The following GPC6 variants were observed in gnomAD, a reference collection of about 807,000 sequenced individuals.
GPC6 encodes glypican-6.
In GPC6, 14 loss-of-function variants were observed where a neutral mutation model predicts 55.2. The observed-to-expected ratio is 0.25, with a 90% CI of 0.17 to 0.40. The LOEUF (loss-of-function observed/expected upper bound fraction) is 0.40, where lower values mean the gene tolerates loss of function less well. Among genes scored for constraint, GPC6 ranks in the 10% least tolerant of loss-of-function variants. The probability of loss-of-function intolerance (pLI) is 1.00; values close to 1 mark genes in which losing one functional copy is unlikely to be tolerated. For missense variants in GPC6, 641 were observed against 708.5 expected (o/e 0.90, Z 1.08); for synonymous variants, 278 against 259.6 (o/e 1.07, Z -0.68).
chr13:94,286,563 G>C (rs1267070718), intron 5 of GPC6, 84 bp downstream of exon 5: 1 of 1,215,818 alleles, frequency 8.2e-7, no homozygotes, highest in Non-Finnish European at 1.2e-6. Context: ...AGATATGTCG[G>C]CTGGGCTTAT....
chr13:93,831,983 T>C (rs1477897721), intron 3 of GPC6, among the ~76,000 whole-genome samples: 6 of 143,442 alleles, frequency 4.2e-5, no homozygotes, highest in Admixed American at 2.1e-4. Flanking sequence ...CCAGCTACTC[T>C]GGAGGCTGAG....
intron 2 of GPC6, among the ~76,000 whole-genome samples, chr13:93,580,665 A>G (rs182390369): frequency 5.8e-4 from 88 of 152,266 alleles, no homozygotes; most frequent in African/African-American, 1.9e-3. Flanking sequence ...CAAACAAAAC[A>G]TGGCCATTTT....
intron 1 of GPC6, among the ~76,000 whole-genome samples, chr13:93,537,099 C>T (rs12869656): frequency 6.6e-6 from 1 of 152,038 alleles, no homozygotes; most frequent in African/African-American, 2.4e-5. Context: ...CCTGAAGACA[C>T]CTCCATCACC....
intron 1 of GPC6, among the ~76,000 whole-genome samples, chr13:93,412,530 G>A (rs1159459770): frequency 6.6e-6 from 1 of 152,070 alleles, no homozygotes; most frequent in African/African-American, 2.4e-5. Context: ...GGTGGCACAT[G>A]CCTGTAGCCC....
chr13:93,453,265 T>C (rs938332443), intron 1 of GPC6, among the ~76,000 whole-genome samples: 2 of 152,168 alleles, frequency 1.3e-5, no homozygotes, highest in African/African-American at 4.8e-5. Context: ...CCCACTTTCA[T>C]TCAATATGCC....
At chr13:93,653,788 G>C (rs1880533332) in intron 2 of GPC6, among the ~76,000 whole-genome samples, 1 of 152,022 alleles carries the variant, frequency 6.6e-6, no homozygotes, top group South Asian at 2.1e-4. Flanking sequence ...GGAACCATCA[G>C]AGTATCAGAA....
chr13:94,286,547 G>A (rs1015710606), intron 5 of GPC6, 68 bp downstream of exon 5: 15 of 1,387,566 alleles, frequency 1.1e-5, no homozygotes, highest in Non-Finnish European at 1.5e-5. Flanking sequence ...TAAAAACGAA[G>A]TAACTAGATA....
intron 2 of GPC6, among the ~76,000 whole-genome samples, chr13:93,625,095 G>A (rs187867604): frequency 1.3e-5 from 2 of 152,190 alleles, no homozygotes; most frequent in Admixed American, 6.5e-5. Flanking sequence ...CACATTGGTT[G>A]GAAATTGTAG....
chr13:94,048,654 C>G (rs753081860), intron 4 of GPC6, among the ~76,000 whole-genome samples: 2 of 151,688 alleles, frequency 1.3e-5, no homozygotes, highest in Non-Finnish European at 2.9e-5. Context: ...TCGGGGACCT[C>G]AGAACTTAGT....
chr13:93,547,174 C>CAA (rs55697128), intron 2 of GPC6, among the ~76,000 whole-genome samples: 7 of 129,080 alleles, frequency 5.4e-5, no homozygotes, highest in Non-Finnish European at 8.2e-5. Context: ...ACTAAAAATA[C>CAA]AAAAAAAAAA....
At chr13:93,391,381 A>T (rs532521006) in intron 1 of GPC6, among the ~76,000 whole-genome samples, 27 of 152,166 alleles carry the variant, frequency 1.8e-4, no homozygotes, top group African/African-American at 6.5e-4. Context: ...CCTGGATCAG[A>T]TTGATTGTGA....
intron 5 of GPC6, among the ~76,000 whole-genome samples, chr13:94,289,891 A>T (rs1270115490): frequency 6.6e-6 from 1 of 152,170 alleles, no homozygotes; most frequent in Non-Finnish European, 1.5e-5. Context: ...TGCAAATTAA[A>T]ATGGCAGTTC....
At chr13:94,375,400 T>C (rs1299230847) in intron 6 of GPC6, among the ~76,000 whole-genome samples, 1 of 152,068 alleles carries the variant, frequency 6.6e-6, no homozygotes, top group Non-Finnish European at 1.5e-5. Flanking sequence ...CAAACTACCA[T>C]CAGAGAATAC....
chr13:94,215,676 C>A (rs1435390192), intron 4 of GPC6, among the ~76,000 whole-genome samples: 1 of 152,052 alleles, frequency 6.6e-6, no homozygotes, highest in South Asian at 2.1e-4. Flanking sequence ...AAACTAACCA[C>A]CAATTTATTA....
At chr13:93,461,296 A>G (rs1472172805) in intron 1 of GPC6, among the ~76,000 whole-genome samples, 1 of 152,180 alleles carries the variant, frequency 6.6e-6, no homozygotes, top group Non-Finnish European at 1.5e-5. Flanking sequence ...TCTTTAACAA[A>G]TTATTTAGGA....
chr13:93,894,532 A>G (rs1259784709), intron 3 of GPC6, among the ~76,000 whole-genome samples: 1 of 152,176 alleles, frequency 6.6e-6, no homozygotes, highest in Non-Finnish European at 1.5e-5. Flanking sequence ...AATGTATGCT[A>G]TGTATTTATG....
Position 94,180,876 on chromosome 13 carries a change from C to CAG in GPC6, c.878-105472_878-105471insGA, listed in dbSNP as rs112719554. On this transcript the variant is annotated intron_variant, in intron 4 of 8. Coordinates refer to ENST00000377047, the MANE Select transcript of GPC6 (RefSeq NM_005708.5). ...CATACGTGTGTATAAGAGAGACACACACAGAGAGAGAGAGAGAGAGAGGGA... is the reference window on the plus strand; with the variant it reads ...CATACGTGTGTATAAGAGAGACACACAGACAGAGAGAGAGAGAGAGAGAGGGA... 5.7e-3 allele frequency among the ~76,000 whole-genome samples: 806 copies of CAG among 141,738 alleles called. 6 individuals are homozygous for CAG. The highest frequency in any genetic ancestry group is 0.017 in the African/African-American group (655 of 39,176). 93.0% of individuals were successfully genotyped at this position (141,738 alleles called of 152,430 possible). A position where few individuals can be genotyped will look rare whatever the true frequency, so the allele number is the denominator to read the frequency against.
chr13:94,135,519 G>T (rs1373928280), intron 4 of GPC6, among the ~76,000 whole-genome samples: 6 of 152,142 alleles, frequency 3.9e-5, no homozygotes, highest in Non-Finnish European at 7.4e-5. Flanking sequence ...AGAGCCAAAT[G>T]GGCAGAGAAC....
At chr13:93,467,330 A>G (rs1459875680) in intron 1 of GPC6, among the ~76,000 whole-genome samples, 1 of 152,160 alleles carries the variant, frequency 6.6e-6, no homozygotes, top group Non-Finnish European at 1.5e-5. Context: ...TGCTGCCGTA[A>G]TGTTGTGATT....
Sources: gnomAD v4.1 joint callset for allele counts (sites outside exome capture counted in the v4.1 genomes callset) on GRCh38, gnomAD v4.1.1 for gene constraint, MANE v1.5 for transcripts, NCBI Gene and HGNC (gene_info 2026-07-23, HGNC 2026-07-21) for gene names.